Variants in CRPPA observed in about 807,000 individuals in gnomAD.
CRPPA encodes CDP-L-ribitol pyrophosphorylase A.
Under a neutral mutation model 52.0 loss-of-function variants are expected in CRPPA, and 43 were observed. The ratio of observed to expected loss-of-function variants is 0.83; its 90% confidence interval spans 0.65 to 1.07. The LOEUF is 1.07. CRPPA is among the 50% of genes least tolerant of loss of function. The probability of loss-of-function intolerance (pLI) is 0.00; values close to 1 mark genes in which losing one functional copy is unlikely to be tolerated. For missense variants in CRPPA, 629 were observed against 551.7 expected (o/e 1.14, Z -1.40); for synonymous variants, 250 against 203.5 (o/e 1.23, Z -1.94).
At chr7:16,180,264 C>T (rs1282354897) in intron 9 of CRPPA, among the ~76,000 whole-genome samples, 1 of 151,978 alleles carries the variant, frequency 6.6e-6, no homozygotes, top group Non-Finnish European at 1.5e-5. Flanking sequence ...TTGTTAAAAG[C>T]CCTTTTGGTA....
intron 9 of CRPPA, among the ~76,000 whole-genome samples, chr7:16,094,325 C>A (rs755835825): frequency 1.3e-4 from 20 of 152,108 alleles, no homozygotes; most frequent in Admixed American, 2.0e-4. Flanking sequence ...GTTAGACACA[C>A]ATATATTCAG....
chr7:16,173,201 AT>A (rs1781227436), intron 9 of CRPPA, among the ~76,000 whole-genome samples: 1 of 152,218 alleles, frequency 6.6e-6, no homozygotes, highest in South Asian at 2.1e-4. Context: ...CACTAAGTTC[AT>A]CCAGGTGGTT....
At chr7:16,336,847 T>C (rs1785695908) in intron 3 of CRPPA, among the ~76,000 whole-genome samples, 1 of 152,062 alleles carries the variant, frequency 6.6e-6, no homozygotes. Flanking sequence ...AGGGTAGCTA[T>C]ACCTATAAAA....
At chr7:16,101,679 G>C (rs1195940523) in intron 9 of CRPPA, among the ~76,000 whole-genome samples, 1 of 151,738 alleles carries the variant, frequency 6.6e-6, no homozygotes, top group Non-Finnish European at 1.5e-5. Context: ...ACCAATAATA[G>C]ACAGAGAGCC....
intron 5 of CRPPA, among the ~76,000 whole-genome samples, chr7:16,291,332 T>C (rs986238969): frequency 2.6e-5 from 4 of 151,866 alleles, no homozygotes; most frequent in Non-Finnish European, 5.9e-5. Flanking sequence ...ATATACAAAA[T>C]CAACCTAAGC....
At chr7:16,214,959 G>T (rs1469070068) in intron 9 of CRPPA, among the ~76,000 whole-genome samples, 2 of 152,066 alleles carry the variant, frequency 1.3e-5, no homozygotes, top group Non-Finnish European at 2.9e-5. Flanking sequence ...ATTATCCTAC[G>T]TGAACTAAAA....
chr7:16,421,261 T>C lies in CRPPA; in HGVS notation c.62A>G (p.Gln21Arg), dbSNP rs1267574518. 1 of 1,312,546 alleles carries C rather than the reference T, an allele frequency of 7.6e-7. No individual in the cohort carries two copies. The highest frequency in any genetic ancestry group is 9.8e-7 in the Non-Finnish European group (1 of 1,024,200). The allele number at this position is 1,312,546 out of a possible 1,614,324, so 81.3% of individuals were successfully genotyped here. The stretch of plus-strand genomic sequence containing the variant: ...GGAAGCCGTGTGGTCCGCGCCGCGC[T>C]GACCACTCAGGCAAGGACCCGGCTC... ...PAEPGPCLSG[Q>R]RGADHTASAS... Residue 21 changes from glutamine to arginine, a missense_variant, in exon 1 of 10, where the codon CAG becomes CGG. Transcript: ENST00000407010.
At chr7:16,176,049 A>G (rs1182774492) in intron 9 of CRPPA, among the ~76,000 whole-genome samples, 1 of 152,100 alleles carries the variant, frequency 6.6e-6, no homozygotes, top group African/African-American at 2.4e-5. Context: ...TTTTTCTCTT[A>G]TGAAGAACTG....
chr7:16,334,798 C>A (rs1008323124), intron 3 of CRPPA, among the ~76,000 whole-genome samples: 2 of 152,136 alleles, frequency 1.3e-5, no homozygotes, highest in Non-Finnish European at 2.9e-5. Context: ...CCTGTGTTGT[C>A]ATCAGTGGCC....
At chr7:16,245,663 T>G (rs1297928782) in intron 8 of CRPPA, among the ~76,000 whole-genome samples, 2 of 152,180 alleles carry the variant, frequency 1.3e-5, no homozygotes, top group Admixed American at 6.5e-5. Flanking sequence ...GCCTATGCAA[T>G]GGGAAAGTAA....
chr7:16,205,387 G>A (rs772387087), intron 9 of CRPPA, among the ~76,000 whole-genome samples: 19 of 152,108 alleles, frequency 1.2e-4, no homozygotes, highest in Non-Finnish European at 2.5e-4. Flanking sequence ...AGGTACAACT[G>A]TAAAAAATAC....
chr7:16,174,070 T>C (rs1290710230), intron 9 of CRPPA, among the ~76,000 whole-genome samples: 1 of 152,096 alleles, frequency 6.6e-6, no homozygotes, highest in Non-Finnish European at 1.5e-5. Context: ...TTGTGATCTG[T>C]GAGGAACAAC....
chr7:16,271,006 A>G (rs1314680555), intron 6 of CRPPA, among the ~76,000 whole-genome samples: 1 of 151,156 alleles, frequency 6.6e-6, no homozygotes, highest in Non-Finnish European at 1.5e-5. Flanking sequence ...GCATAAGGGA[A>G]AAAAAAAAGA....
chr7:16,171,175 C>T (rs78077344), intron 9 of CRPPA, among the ~76,000 whole-genome samples: 189 of 152,338 alleles, frequency 1.2e-3, no homozygotes, highest in Middle Eastern at 6.8e-3. Flanking sequence ...GGCAGAAAGA[C>T]ATTATTTTTA....
intron 3 of CRPPA, among the ~76,000 whole-genome samples, chr7:16,312,506 A>G (rs1487684413): frequency 6.6e-6 from 1 of 151,992 alleles, no homozygotes; most frequent in Non-Finnish European, 1.5e-5. Context: ...ACTTCTGTCA[A>G]TGCTTTCAGA....
chr7:16,373,627 C>T (rs1310053675), intron 3 of CRPPA, among the ~76,000 whole-genome samples: 1 of 152,138 alleles, frequency 6.6e-6, no homozygotes, highest in Non-Finnish European at 1.5e-5. Context: ...GTCAGCCTAA[C>T]CTGGTGTGGC....
chr7:16,101,366 G>C (rs751331033), intron 9 of CRPPA, among the ~76,000 whole-genome samples: 1 of 151,184 alleles, frequency 6.6e-6, no homozygotes, highest in South Asian at 2.1e-4. Context: ...TTCCTGGTTA[G>C]TTTAGTCTTG....
At chr7:16,201,352 G>C (rs780080312) in intron 9 of CRPPA, among the ~76,000 whole-genome samples, 4 of 152,134 alleles carry the variant, frequency 2.6e-5, no homozygotes, top group Non-Finnish European at 5.9e-5. Context: ...ATAAACCAGA[G>C]TGAGAACCTC....
rs1348541273 is a variant in CRPPA, at chr7:16,417,266, C to G, written c.257+3800G>C. On this transcript the variant is annotated intron_variant, in intron 1 of 9. Coordinates refer to ENST00000407010, the MANE Select transcript of CRPPA (RefSeq NM_001101426.4). ...CTCAAAGAACTTAAAACAGAACTACCATTCAACCCAGCAATCTCATTAGTG... is the reference window on the plus strand; with the variant it reads ...CTCAAAGAACTTAAAACAGAACTACGATTCAACCCAGCAATCTCATTAGTG... Among the ~76,000 whole-genome samples the G allele has an allele frequency of 2.6e-5, 4 of 152,324 alleles. No homozygotes were observed. In the East Asian group the frequency reaches 7.7e-4, roughly 29 times the overall value.
Sources: allele counts gnomAD v4.1 joint callset (sites outside exome capture counted in the v4.1 genomes callset), GRCh38; gene constraint gnomAD v4.1.1; transcripts MANE v1.5; gene names NCBI Gene and HGNC (gene_info 2026-07-23, HGNC 2026-07-21).